Variants in TMEM132B observed in about 807,000 individuals in gnomAD.
TMEM132B encodes the protein transmembrane protein 132B.
In TMEM132B, 18 loss-of-function variants were observed where a neutral mutation model predicts 90.8. That is an observed-to-expected ratio of 0.20 (90% confidence interval 0.14 to 0.29). TMEM132B has a LOEUF of 0.29. Among genes scored for constraint, TMEM132B ranks in the 10% least tolerant of loss-of-function variants. The probability of loss-of-function intolerance (pLI) is 1.00; values close to 1 mark genes in which losing one functional copy is unlikely to be tolerated. For synonymous variants in TMEM132B, 504 were observed against 523.3 expected (o/e 0.96, Z 0.50); for missense variants, 1,096 against 1,326.8 (o/e 0.83, Z 2.70).
At chr12:125,404,509 A>G (rs2136326483) in intron 2 of TMEM132B, among the ~76,000 whole-genome samples, 1 of 152,320 alleles carries the variant, frequency 6.6e-6, no homozygotes, top group East Asian at 1.9e-4. Context: ...TGGAGACCGT[A>G]TGGTAGTTCA....
chr12:125,435,918 G>C (rs1880685941), intron 3 of TMEM132B, among the ~76,000 whole-genome samples: 1 of 152,024 alleles, frequency 6.6e-6, no homozygotes, highest in South Asian at 2.1e-4. Context: ...TGGAGCAGAG[G>C]TAGTGTCAGA....
intron 3 of TMEM132B, among the ~76,000 whole-genome samples, chr12:125,482,535 C>T (rs898548202): frequency 8.5e-5 from 13 of 152,160 alleles, no homozygotes; most frequent in African/African-American, 3.1e-4. Context: ...CAAATCAAAA[C>T]CACAATGAGA....
intron 5 of TMEM132B, among the ~76,000 whole-genome samples, chr12:125,630,616 G>A (rs1192875217): frequency 6.6e-6 from 1 of 151,884 alleles, no homozygotes; most frequent in Non-Finnish European, 1.5e-5. Context: ...TTTAGGTTCA[G>A]GGGTATATGT....
chr12:125,505,004 A>T (rs187047577), intron 3 of TMEM132B, among the ~76,000 whole-genome samples: 1 of 152,078 alleles, frequency 6.6e-6, no homozygotes, highest in African/African-American at 2.4e-5. Context: ...CAGGAAGCTC[A>T]GCTTAACTCC....
In TMEM132B at chr12:125,262,586, C is replaced by T. The variant is rs184987038; in HGVS notation, c.67+75720C>T. Among the ~76,000 whole-genome samples the T allele has an allele frequency of 2.1e-3, 325 of 152,300 alleles. 2 individuals carry two copies. The highest frequency in any genetic ancestry group is 7.7e-3 in the African/African-American group (319 of 41,566). Reference sequence around the variant, plus strand: ...CACAGTCACCACCACCCCCTCTTGTCTACCCTACATTGAGGCTGTCAGTTA... The same window carrying T: ...CACAGTCACCACCACCCCCTCTTGTTTACCCTACATTGAGGCTGTCAGTTA... On this transcript the variant is annotated intron_variant, in intron 1 of 8. Transcript: ENST00000682704.
chr12:125,330,333 CTTTTTTTTT>C (rs75180932), intron 1 of TMEM132B, among the ~76,000 whole-genome samples: 1 of 124,462 alleles, frequency 8.0e-6, no homozygotes, highest in Non-Finnish European at 1.8e-5. Flanking sequence ...TAAGGGGTTT[CTTTTTTTTT>C]TTTTTTTTTG....
chr12:125,608,821 G>A (rs934421478), intron 5 of TMEM132B, among the ~76,000 whole-genome samples: 1 of 151,360 alleles, frequency 6.6e-6, no homozygotes, highest in Non-Finnish European at 1.5e-5. Flanking sequence ...TGAAAAGGCA[G>A]TTCTTTTCTC....
intron 4 of TMEM132B, among the ~76,000 whole-genome samples, chr12:125,549,566 G>A (rs753338477): frequency 2.0e-5 from 3 of 152,132 alleles, no homozygotes; most frequent in African/African-American, 4.8e-5. Context: ...ACTCATCACC[G>A]CTCTCTTGAT....
intron 4 of TMEM132B, among the ~76,000 whole-genome samples, chr12:125,537,535 G>C (rs1419900286): frequency 1.3e-5 from 2 of 152,182 alleles, no homozygotes; most frequent in Non-Finnish European, 2.9e-5. Context: ...AATGGCTGCA[G>C]TGAGGGGCAT....
chr12:125,613,851 G>GT (rs1417692855), intron 5 of TMEM132B, among the ~76,000 whole-genome samples: 3 of 151,910 alleles, frequency 2.0e-5, no homozygotes, highest in African/African-American at 7.2e-5. Context: ...ACTTCCTCAG[G>GT]TACCATTTCT....
chr12:125,463,394 T>G (rs1401487563), intron 3 of TMEM132B, among the ~76,000 whole-genome samples: 1 of 152,238 alleles, frequency 6.6e-6, no homozygotes, highest in Non-Finnish European at 1.5e-5. Flanking sequence ...GTAGAATTTC[T>G]TCTCCCTAAG....
chr12:125,243,054 T>C (rs931157381), intron 1 of TMEM132B, among the ~76,000 whole-genome samples: 70 of 130,602 alleles, frequency 5.4e-4, no homozygotes, highest in African/African-American at 1.6e-3. Flanking sequence ...CACACACACA[T>C]ACATATATAC....
At chr12:125,254,368 C>A (rs1328367630) in intron 1 of TMEM132B, among the ~76,000 whole-genome samples, 1 of 152,168 alleles carries the variant, frequency 6.6e-6, no homozygotes, top group East Asian at 1.9e-4. Context: ...GCATCCTGAT[C>A]AGGAGAACTT....
chr12:125,382,489 G>A (rs1878715245), intron 2 of TMEM132B, among the ~76,000 whole-genome samples: 1 of 152,194 alleles, frequency 6.6e-6, no homozygotes, highest in Admixed American at 6.5e-5. Flanking sequence ...TTGTGGAGTT[G>A]GGTGTCTGAG....
At chr12:125,432,528 T>TATATAGAGAGAGAGAGAG (rs1458075923) in intron 3 of TMEM132B, among the ~76,000 whole-genome samples, 1 of 39,128 alleles carries the variant, frequency 2.6e-5, no homozygotes, top group African/African-American at 1.2e-4. Context: ...TATATATATA[T>TATATAGAGAGAGAGAGAG]AGAGAGAGAG....
intron 1 of TMEM132B, among the ~76,000 whole-genome samples, chr12:125,345,445 T>A (rs551379252): frequency 6.6e-6 from 1 of 152,316 alleles, no homozygotes; most frequent in East Asian, 1.9e-4. Flanking sequence ...AGGAATGTTT[T>A]TTGTGTGCTA....
intron 7 of TMEM132B, among the ~76,000 whole-genome samples, 192 bp downstream of exon 7, chr12:125,651,145 A>G (rs182796226): frequency 7.5e-4 from 115 of 152,340 alleles, no homozygotes; most frequent in African/African-American, 2.6e-3. Flanking sequence ...ACCAATTTTA[A>G]TAACCTAAAC....
At chr12:125,222,877 A>G (rs1316740516) in intron 1 of TMEM132B, among the ~76,000 whole-genome samples, 1 of 152,228 alleles carries the variant, frequency 6.6e-6, no homozygotes, top group Non-Finnish European at 1.5e-5. Flanking sequence ...TCAATGGTCT[A>G]GGGTAAAATA....
chr12:125,212,994 T>C (rs1481768431), intron 1 of TMEM132B, among the ~76,000 whole-genome samples: 1 of 152,216 alleles, frequency 6.6e-6, no homozygotes, highest in Non-Finnish European at 1.5e-5. Context: ...GGTACATTTA[T>C]AGTGTTGCAC....
Sources: gnomAD v4.1 joint callset for allele counts (sites outside exome capture counted in the v4.1 genomes callset) on GRCh38, gnomAD v4.1.1 for gene constraint, MANE v1.5 for transcripts, NCBI Gene and HGNC (gene_info 2026-07-23, HGNC 2026-07-21) for gene names.